WDR64: variants seen among roughly 807,000 people sequenced by gnomAD.
WDR64 encodes the protein WD repeat-containing protein 64.
A neutral mutation model predicts 139.3 loss-of-function variants in WDR64; 112 were observed. The ratio of observed to expected loss-of-function variants is 0.80; its 90% CI spans 0.69 to 0.94. The LOEUF is 0.94. WDR64 is among the 40% of genes least tolerant of loss of function. The pLI is 0.00. For synonymous variants in WDR64, 444 were observed against 437.7 expected (o/e 1.01, Z -0.18); for missense variants, 1,206 against 1,293.1 (o/e 0.93, Z 1.03).
intron 8 of WDR64, among the ~76,000 whole-genome samples, chr1:241,688,705 T>C (rs898283827): frequency 1.3e-5 from 2 of 152,206 alleles, no homozygotes; most frequent in Non-Finnish European, 2.9e-5. Context: ...CAGAAATTCA[T>C]GGGCAGGAAC....
chr1:241,755,015 G>A (rs1054093713), intron 14 of WDR64, among the ~76,000 whole-genome samples: 2 of 152,154 alleles, frequency 1.3e-5, no homozygotes, highest in African/African-American at 4.8e-5. Flanking sequence ...ATTGTGAATA[G>A]TGCTGCAATA....
intron 16 of WDR64, 92 bp downstream of exon 16, chr1:241,766,443 G>C (rs953287896): frequency 7.7e-6 from 11 of 1,422,432 alleles, no homozygotes; most frequent in African/African-American, 1.4e-5. Flanking sequence ...GGGCGCGGTG[G>C]CTCAGGTCTG....
At chr1:241,796,000 G>C (rs980758226) in intron 26 of WDR64, among the ~76,000 whole-genome samples, 1 of 152,140 alleles carries the variant, frequency 6.6e-6, no homozygotes, top group Admixed American at 6.6e-5. Flanking sequence ...GTAACCCTGG[G>C]ATTTTGGGAG....
In WDR64 at chr1:241,775,200, T is replaced by G; in HGVS notation, c.2526T>G (p.Ala842=). The G allele has an allele frequency of 6.5e-7, 1 of 1,549,868 alleles. No individual in the cohort carries two copies. Among genetic ancestry groups the G allele is most frequent in the South Asian group, 1.2e-5 (1 of 83,782 alleles). ...ATTCATGTACGAGGATACTACTGGCTGGAAATGTGGGTGAGTCATTACTCT... is the reference window on the plus strand; with the variant it reads ...ATTCATGTACGAGGATACTACTGGCGGGAAATGTGGGTGAGTCATTACTCT... ...YTDSCTRILL[A]GNVEGHVILC... The change falls in exon 21 of 28, where the codon GCT becomes GCG. Residue 842 remains alanine (A), a synonymous_variant. Transcript: ENST00000437684.
intron 17 of WDR64, 61 bp from the exon 18 acceptor site, chr1:241,770,560 C>G (rs1658388850): frequency 2.1e-6 from 3 of 1,431,694 alleles, no homozygotes; most frequent in Non-Finnish European, 2.9e-6. Context: ...AGAAGCACAC[C>G]CTTTGAGTAT....
At position 241,788,030 on chromosome 1, in the gene WDR64, G is replaced by GA. The variant is rs1220534629; in HGVS notation, c.2891dup (p.Trp965MetfsTer20). The GA allele has an allele frequency of 2.5e-6, 4 of 1,584,178 alleles. No homozygotes were observed. The African/African-American group carries it at 5.5e-5, about 22-fold the overall frequency. ...TGAATATCCTCTGATATTTGACCGGGAAAAGTAAGACCATTAGCTCTTCTT... is the reference window on the plus strand; with the variant it reads ...TGAATATCCTCTGATATTTGACCGGGAAAAAGTAAGACCATTAGCTCTTCTT... On this transcript the variant is annotated frameshift_variant, in exon 24 of 28. Transcript: ENST00000437684. LOFTEE classifies it high-confidence loss of function.
chr1:241,690,480 A>G (rs1667176801), intron 8 of WDR64, among the ~76,000 whole-genome samples: 1 of 152,034 alleles, frequency 6.6e-6, no homozygotes, highest in Admixed American at 6.6e-5. Flanking sequence ...AAAAAAAAAC[A>G]AAAACTTGAA....
chr1:241,677,348 C>T (rs190352630), intron 4 of WDR64: 23 of 398,438 alleles, frequency 5.8e-5, no homozygotes, highest in African/African-American at 3.3e-4. Flanking sequence ...AAGTCAGTCC[C>T]GGGTTAGAAA....
chr1:241,694,471 C>G (rs1392352191), intron 8 of WDR64, among the ~76,000 whole-genome samples: 1 of 151,966 alleles, frequency 6.6e-6, no homozygotes, highest in Non-Finnish European at 1.5e-5. Flanking sequence ...TGCATAGTTT[C>G]ATTTAGTTTC....
At position 241,708,902 on chromosome 1, in the gene WDR64, C is replaced by T. The variant is rs187437335; in HGVS notation, c.975-2900C>T. Among the ~76,000 whole-genome samples the T allele has an allele frequency of 1.2e-3, 189 of 152,120 alleles. 1 individual carries two copies. The highest frequency in any genetic ancestry group is 4.5e-3 in the African/African-American group (186 of 41,476). On this transcript the variant is annotated intron_variant, in intron 8 of 27. Coordinates refer to ENST00000437684, the MANE Select transcript of WDR64 (RefSeq NM_001367482.1). ...GCACAATCAGATTTTGGAACGACTG[C>T]ACTAAGGTCTTGAGCATTCTGACCT... is the stretch of plus-strand genomic sequence containing the variant.
At chr1:241,689,148 G>A (rs1667118126) in intron 8 of WDR64, among the ~76,000 whole-genome samples, 1 of 152,102 alleles carries the variant, frequency 6.6e-6, no homozygotes, top group Middle Eastern at 3.2e-3. Context: ...ATCAAAAGAA[G>A]GAGACTTACT....
intron 22 of WDR64, among the ~76,000 whole-genome samples, chr1:241,782,186 G>A (rs1658869812): frequency 6.6e-6 from 1 of 152,224 alleles, no homozygotes; most frequent in Non-Finnish European, 1.5e-5. Context: ...TACTCGGGAG[G>A]CTGAGGCAGG....
intron 16 of WDR64, among the ~76,000 whole-genome samples, chr1:241,766,671 A>G (rs1658187738): frequency 6.6e-6 from 1 of 151,874 alleles, no homozygotes; most frequent in African/African-American, 2.4e-5. Flanking sequence ...ACCGCACTAC[A>G]TCCTGGGTGA....
intron 10 of WDR64, among the ~76,000 whole-genome samples, chr1:241,724,686 A>G (rs1668732910): frequency 6.6e-6 from 1 of 152,228 alleles, no homozygotes; most frequent in Non-Finnish European, 1.5e-5. Flanking sequence ...ATATAGGTGA[A>G]TAGTCTTATA....
intron 24 of WDR64, among the ~76,000 whole-genome samples, chr1:241,789,233 T>C (rs541495098): frequency 6.6e-6 from 1 of 152,326 alleles, no homozygotes; most frequent in Non-Finnish European, 1.5e-5. Context: ...GCTCATGTTA[T>C]GTTGTTATTG....
chr1:241,794,709 A>C (rs1574102122), intron 25 of WDR64, among the ~76,000 whole-genome samples: 1 of 152,020 alleles, frequency 6.6e-6, no homozygotes, highest in East Asian at 1.9e-4. Context: ...GGGTTTCACC[A>C]TGTTGGCCAG....
chr1:241,666,114 T>C (rs971901354), intron 2 of WDR64, among the ~76,000 whole-genome samples: 1 of 152,086 alleles, frequency 6.6e-6, no homozygotes, highest in Non-Finnish European at 1.5e-5. Flanking sequence ...AGCAAGACTT[T>C]TAAATAGCAT....
chr1:241,712,234 G>A (rs1370900502), intron 9 of WDR64, among the ~76,000 whole-genome samples: 34 of 152,274 alleles, frequency 2.2e-4, no homozygotes, highest in Non-Finnish European at 4.4e-5. Context: ...GTGTGTGCGT[G>A]TGCCTTTTTC....
At chr1:241,768,225 A>C (rs1658266431) in intron 16 of WDR64, among the ~76,000 whole-genome samples, 1 of 152,220 alleles carries the variant, frequency 6.6e-6, no homozygotes, top group African/African-American at 2.4e-5. Context: ...TGGGTCATAC[A>C]CAGTGTCCCT....
Sources: allele counts gnomAD v4.1 joint callset (sites outside exome capture counted in the v4.1 genomes callset), GRCh38; gene constraint gnomAD v4.1.1; transcripts MANE v1.5; gene names NCBI Gene and HGNC (gene_info 2026-07-23, HGNC 2026-07-21).